Variants in FAM171B observed in about 807,000 individuals in gnomAD.
FAM171B encodes protein FAM171B.
FAM171B carries 19 observed loss-of-function variants against 75.6 expected under a neutral mutation model. The ratio of observed to expected loss-of-function variants is 0.25; its 90% confidence interval spans 0.18 to 0.37. The LOEUF (loss-of-function observed/expected upper bound fraction) is 0.37. FAM171B is among the 10% of genes least tolerant of loss of function. FAM171B has a pLI of 1.00. For synonymous variants in FAM171B, 367 were observed against 361.7 expected, an observed-to-expected ratio of 1.01 and a Z score of -0.17; for missense variants, 848 against 982.4, an observed-to-expected ratio of 0.86 and a Z score of 1.83.
chr2:186,753,985 A>T lies in FAM171B; in HGVS notation c.948A>T (p.Leu316Phe), dbSNP rs756135130. The T allele has an allele frequency of 6.2e-7, 1 of 1,613,640 alleles. No homozygotes were observed. The highest frequency in any genetic ancestry group is 2.2e-5 in the East Asian group (1 of 44,840). ...TGGTCAAGGAACATAACAATCATTTAATCTGGACATATGATGCACCACATT... is the reference window on the plus strand; with the variant it reads ...TGGTCAAGGAACATAACAATCATTTTATCTGGACATATGATGCACCACATT... ...RGMVKEHNNH[L>F]IWTYDAPHLG... The change falls in exon 6 of 8, where the codon TTA (leucine) becomes TTT (phenylalanine). Residue 316 changes from leucine to phenylalanine, a missense_variant. Physicochemically the swap from Leu to Phe is conservative, Grantham distance 22. Around this residue, in one of 3 missense-constraint regions of FAM171B, gnomAD observed 665 missense variants for 729.0 expected, o/e 0.91. Transcript: ENST00000304698.
chr2:186,696,007 TA>T (rs1574516585), intron 1 of FAM171B, among the ~76,000 whole-genome samples: 1 of 152,150 alleles, frequency 6.6e-6, no homozygotes, highest in Non-Finnish European at 1.5e-5. Flanking sequence ...TATATATATA[TA>T]TGTTGTGATT....
At chr2:186,704,033 C>G (rs1038374437) in intron 1 of FAM171B, among the ~76,000 whole-genome samples, 1 of 151,994 alleles carries the variant, frequency 6.6e-6, no homozygotes, top group East Asian at 1.9e-4. Context: ...GTTAAAAAAC[C>G]CATTTACTTA....
chr2:186,695,669 T>G (rs1410743771), intron 1 of FAM171B, among the ~76,000 whole-genome samples: 1 of 152,178 alleles, frequency 6.6e-6, no homozygotes, highest in Non-Finnish European at 1.5e-5. Flanking sequence ...CAGGAAAGCA[T>G]GTGTTTCTGA....
chr2:186,750,609 A>G (rs1690437667), intron 4 of FAM171B, among the ~76,000 whole-genome samples: 1 of 148,606 alleles, frequency 6.7e-6, no homozygotes, highest in Non-Finnish European at 1.5e-5. Flanking sequence ...AATGCTTTTT[A>G]TGTAAGAAGT....
chr2:186,748,138 G>T (rs759329163), intron 4 of FAM171B, among the ~76,000 whole-genome samples: 37 of 151,782 alleles, frequency 2.4e-4, no homozygotes, highest in Non-Finnish European at 7.4e-5. Context: ...TGCCTAGGCT[G>T]GTCTTTAACT....
In FAM171B at chr2:186,707,841, TAAAAAA is replaced by T. The variant is rs11352829; in HGVS notation, c.238+13438_238+13443del. On this transcript the variant is annotated intron_variant, in intron 1 of 7. Transcript: ENST00000304698. Reference sequence around the variant, plus strand: ...TAGCTTAAATACCACTTTTTTTTTTTAAAAAAAAAAAAAGGTTTTTCATTGACTTTC... The same window carrying T: ...TAGCTTAAATACCACTTTTTTTTTTTAAAAAAAGGTTTTTCATTGACTTTC... Among the ~76,000 whole-genome samples the T allele has an allele frequency of 1.8e-3, 254 of 144,340 alleles. 1 individual carries two copies. Among genetic ancestry groups the T allele is most frequent in the African/African-American group, 6.2e-3 (246 of 39,548 alleles). The allele number at this position is 144,340 out of a possible 152,430, so 94.7% of individuals were successfully genotyped here.
chr2:186,732,735 G>A (rs1690137590), intron 1 of FAM171B, among the ~76,000 whole-genome samples: 1 of 152,156 alleles, frequency 6.6e-6, no homozygotes, highest in African/African-American at 2.4e-5. Flanking sequence ...ACTTGGGAGC[G>A]GCTGCATGTG....
intron 1 of FAM171B, among the ~76,000 whole-genome samples, chr2:186,707,179 A>C (rs1689743643): frequency 6.6e-6 from 1 of 152,112 alleles, no homozygotes; most frequent in Admixed American, 6.5e-5. Flanking sequence ...TAGACTTTTG[A>C]TTTCCTAGCA....
intron 1 of FAM171B, among the ~76,000 whole-genome samples, chr2:186,720,006 C>T (rs1334615028): frequency 6.6e-6 from 1 of 152,128 alleles, no homozygotes; most frequent in Non-Finnish European, 1.5e-5. Flanking sequence ...TGTGTGTTTG[C>T]AGTATAATCT....
chr2:186,694,091 G>C lies in FAM171B; in HGVS notation c.-83G>C. ...TGCGCGAGGGGGAGCGAGCGAGCGG[G>C]CGCTGCCAGGAGCCCGCAGCCCTGG... On this transcript the variant is annotated 5_prime_UTR_variant, in exon 1 of 8. Transcript: ENST00000304698. 2 of 1,385,520 alleles carry C rather than the reference G, an allele frequency of 1.4e-6. No homozygotes were observed. The highest frequency in any genetic ancestry group is 1.9e-6 in the Non-Finnish European group (2 of 1,077,190). The allele number at this position is 1,385,520 out of a possible 1,614,324, so 85.8% of individuals were successfully genotyped here. A position where few individuals can be genotyped will look rare whatever the true frequency, so the allele number is the denominator to read the frequency against.
intron 1 of FAM171B, among the ~76,000 whole-genome samples, chr2:186,703,252 G>T (rs1689689010): frequency 6.6e-6 from 1 of 151,964 alleles, no homozygotes; most frequent in Admixed American, 6.6e-5. Context: ...GACAAATTAT[G>T]TATTTTTAAT....
At chr2:186,756,823 A>G (rs1192792296) in intron 6 of FAM171B, among the ~76,000 whole-genome samples, 1 of 152,092 alleles carries the variant, frequency 6.6e-6, no homozygotes, top group Non-Finnish European at 1.5e-5. Flanking sequence ...GGGGGTTTGC[A>G]CAATTCTCTC....
chr2:186,747,731 T>C (rs140934756), intron 4 of FAM171B, among the ~76,000 whole-genome samples: 1,614 of 152,254 alleles, frequency 0.011, 9 homozygotes, highest in Non-Finnish European at 0.014. Context: ...GTGTAAAATA[T>C]AAATATTGAA....
intron 5 of FAM171B, among the ~76,000 whole-genome samples, chr2:186,753,306 G>A (rs780797618): frequency 2.6e-5 from 4 of 152,032 alleles, no homozygotes; most frequent in Non-Finnish European, 5.9e-5. Context: ...GTGCTACCAC[G>A]CCTGGCTAAT....
chr2:186,713,942 T>A (rs1689841548), intron 1 of FAM171B, among the ~76,000 whole-genome samples: 1 of 152,220 alleles, frequency 6.6e-6, no homozygotes, highest in Non-Finnish European at 1.5e-5. Flanking sequence ...AGCATACTAA[T>A]AAGCCAACAA....
chr2:186,694,147 G>T lies in FAM171B; in HGVS notation c.-27G>T. ...GCCGCCGCCCGGAGCCCCGCAATAT[G>T]CCGCCGCGGCCCTCTGGCTCTAGGC... On this transcript the variant is annotated 5_prime_UTR_variant, in exon 1 of 8. An upstream start codon of the reference 5' UTR is lost. Transcript: ENST00000304698. 1 of 1,523,818 alleles carries T rather than the reference G, an allele frequency of 6.6e-7. No individual in the cohort carries two copies. The allele number at this position is 1,523,818 out of a possible 1,614,324, so 94.4% of individuals were successfully genotyped here. A position where few individuals can be genotyped will look rare whatever the true frequency, so the allele number is the denominator to read the frequency against.
Position 186,740,327 on chromosome 2 carries a change from A to G in FAM171B, c.338A>G (p.Asn113Ser), listed in dbSNP as rs2105785901. The G allele has an allele frequency of 6.2e-7, 1 of 1,614,124 alleles. No individual in the cohort carries two copies. The highest frequency in any genetic ancestry group is 2.2e-5 in the East Asian group (1 of 44,866). ...VEVFVNYTKTNSTVTKSNGAV... is the reference protein window; with the variant it reads ...VEVFVNYTKTSSTVTKSNGAV... ...GTGTTTGTAAACTACACGAAGACAA[A>G]TTCCACAGTAACTAAAAGCAATGGA... Residue 113 changes from asparagine to serine, a missense_variant, in exon 2 of 8, where the codon AAT (asparagine) becomes AGT (serine). Physicochemically the swap from Asn to Ser is conservative, Grantham distance 46 (BLOSUM62 1). Around this residue, in one of 3 missense-constraint regions of FAM171B, gnomAD observed 665 missense variants for 729.0 expected, o/e 0.91. Transcript: ENST00000304698.
At chr2:186,758,413 G>T (rs1690566112) in intron 6 of FAM171B, among the ~76,000 whole-genome samples, 1 of 152,144 alleles carries the variant, frequency 6.6e-6, no homozygotes, top group Non-Finnish European at 1.5e-5. Context: ...TTAAAGAACT[G>T]GTGGTCCCTC....
chr2:186,738,162 T>G (rs1411884702), intron 1 of FAM171B, among the ~76,000 whole-genome samples: 4 of 152,194 alleles, frequency 2.6e-5, no homozygotes, highest in African/African-American at 9.6e-5. Context: ...AGCTTTCCAC[T>G]CCCATAGCTT....
Sources: gnomAD v4.1 joint callset for allele counts (sites outside exome capture counted in the v4.1 genomes callset) on GRCh38, gnomAD v4.1.1 for gene constraint, gnomAD v4.1.1 regional missense constraint, MANE v1.5 for transcripts, NCBI Gene and HGNC (gene_info 2026-07-23, HGNC 2026-07-21) for gene names.